The following HAND1 variants were observed in gnomAD, a reference collection of about 807,000 sequenced individuals.
HAND1 encodes heart- and neural crest derivatives-expressed protein 1.
Under a neutral mutation model 14.5 loss-of-function variants are expected in HAND1, and 10 were observed. That is an observed-to-expected ratio of 0.69 (90% CI 0.42 to 1.17). The LOEUF (loss-of-function observed/expected upper bound fraction) is 1.17, where lower values mean the gene tolerates loss of function less well. Among genes scored for constraint, HAND1 ranks in the 50% most tolerant of loss-of-function variants. The pLI is 0.00. For missense variants in HAND1, 299 were observed against 298.4 expected (o/e 1.00, Z -0.01); for synonymous variants, 128 against 127.1 (o/e 1.01, Z -0.05).
At chr5:154,476,147 G>C (rs1757537866) in intron 1 of HAND1, among the ~76,000 whole-genome samples, 1 of 152,158 alleles carries the variant, frequency 6.6e-6, no homozygotes, top group Non-Finnish European at 1.5e-5. Flanking sequence ...GGGAGGTTTG[G>C]TAAGGAAAAT....
intron 1 of HAND1, among the ~76,000 whole-genome samples, 180 bp downstream of exon 1, chr5:154,477,286 A>G (rs1381421287): frequency 4.3e-4 from 65 of 152,158 alleles, no homozygotes; most frequent in Non-Finnish European, 4.4e-5. Flanking sequence ...AATGAATTCT[A>G]TGACGAATCT....
intron 1 of HAND1, 26 bp from the exon 2 acceptor site, chr5:154,475,936 G>A (rs1257570942): frequency 6.4e-7 from 1 of 1,570,624 alleles, no homozygotes; most frequent in South Asian, 1.1e-5. Flanking sequence ...CAGAAGAAAA[G>A]AGGCGGGAGA....
At position 154,475,787 on chromosome 5, in the gene HAND1, C is replaced by G; in HGVS notation, c.*19G>C. On this transcript the variant is annotated 3_prime_UTR_variant, in exon 2 of 2. Transcript: ENST00000231121. The stretch of plus-strand genomic sequence containing the variant: ...TCAGGAGTGGCTGGCCTGGCCAGGT[C>G]CTCGGCGCGGGCCTCGGCTCACTGG... The G allele has an allele frequency of 3.8e-6, 6 of 1,578,282 alleles. No homozygotes were observed. Among genetic ancestry groups the G allele is most frequent in the Non-Finnish European group, 5.2e-6 (6 of 1,149,666 alleles).
In HAND1 at chr5:154,477,947, G is replaced by C. The variant is rs780396101; in HGVS notation, c.62C>G (p.Pro21Arg). 1.9e-6 allele frequency: 3 copies of C among 1,598,456 alleles called. No individual in the cohort carries two copies. The highest frequency in any genetic ancestry group is 1.3e-5 in the African/African-American group (1 of 75,062). Residue 21 changes from proline to arginine, a missense_variant, in exon 1 of 2, where the codon CCC (proline) becomes CGC (arginine). Transcript: ENST00000231121. ...HHHHHPHPAH[P>R]MLHEPFLFGP... ...GAAGAGGAAGGGTTCGTGGAGCATG[G>C]GGTGCGCAGGGTGCGGGTGGTGATG...
chr5:154,478,091 GC>G lies in HAND1; in HGVS notation c.-84del. 6.6e-7 allele frequency: 1 copy of G among 1,514,218 alleles called. No individual in the cohort carries two copies. Among genetic ancestry groups the G allele is most frequent in the South Asian group, 1.1e-5 (1 of 88,666 alleles). The allele number at this position is 1,514,218 out of a possible 1,614,324, so 93.8% of individuals were successfully genotyped here. A position where few individuals can be genotyped will look rare whatever the true frequency, so the allele number is the denominator to read the frequency against. On this transcript the variant is annotated 5_prime_UTR_variant, in exon 1 of 2. Transcript: ENST00000231121. The surrounding 1 kb of genome is among the most constrained non-coding windows in gnomAD (Gnocchi z 4.5). Reference sequence around the variant, plus strand: ...AGAGACTGCCGGGGGCCACCTGTGGGCTCTGGAGCCACTACTGGGCGCCGGC... The same window carrying G: ...AGAGACTGCCGGGGGCCACCTGTGGGTCTGGAGCCACTACTGGGCGCCGGC...
chr5:154,475,478 A>T lies in HAND1; in HGVS notation c.*328T>A. ...GGGCTGAGGTTCTAAATTCGCTCCA[A>T]AAGGGTGGAAGAGTGCGTCTTTGAG... is the stretch of plus-strand genomic sequence containing the variant. On this transcript the variant is annotated 3_prime_UTR_variant, in exon 2 of 2. Transcript: ENST00000231121. The T allele has an allele frequency of 2.7e-6, 1 of 376,644 alleles. No homozygotes were observed. The highest frequency in any genetic ancestry group is 5.0e-6 in the Non-Finnish European group (1 of 201,398). The allele number at this position is 376,644 out of a possible 1,614,324, so 23.3% of individuals were successfully genotyped here. A position where few individuals can be genotyped will look rare whatever the true frequency, so the allele number is the denominator to read the frequency against.
At position 154,477,949 on chromosome 5, in the gene HAND1, G is replaced by C; in HGVS notation, c.60C>G (p.His20Gln). 1 of 1,598,460 alleles carries C rather than the reference G, an allele frequency of 6.3e-7. No homozygotes were observed. Among genetic ancestry groups the C allele is most frequent in the Non-Finnish European group, 8.5e-7 (1 of 1,179,874 alleles). Residue 20 changes from histidine to glutamine, a missense_variant, in exon 1 of 2, where the codon CAC (histidine) becomes CAG (glutamine). Coordinates refer to ENST00000231121, the MANE Select transcript of HAND1 (RefSeq NM_004821.3). ...AGAGGAAGGGTTCGTGGAGCATGGG[G>C]TGCGCAGGGTGCGGGTGGTGATGGT... The part of the protein sequence containing the change: ...HHHHHHPHPA[H>Q]PMLHEPFLFG...
rs201496181 is a variant in HAND1 at position 154,477,836 on chromosome 5, G to T, written c.173C>A (p.Ala58Glu). 18 of 1,599,652 alleles carry T rather than the reference G, an allele frequency of 1.1e-5. No homozygotes were observed. The highest frequency in any genetic ancestry group is 8.9e-5 in the East Asian group (4 of 44,774). ...AGCGGCCGCGGGCGGCGGCCCGCCCGCAGGGAAGTCCGGGGCAGCGTCAGC... is the reference window on the plus strand; with the variant it reads ...AGCGGCCGCGGGCGGCGGCCCGCCCTCAGGGAAGTCCGGGGCAGCGTCAGC... The part of the protein sequence containing the change: ...SPADAAPDFP[A>E]GGPPPAAAAA... The change falls in exon 1 of 2, where the codon GCG (alanine) becomes GAG (glutamate). Residue 58 changes from alanine (A) to glutamate (E), a missense_variant. By Grantham distance (107) the Ala-to-Glu change is moderately radical. Coordinates refer to ENST00000231121, the MANE Select transcript of HAND1 (RefSeq NM_004821.3).
At position 154,475,650 on chromosome 5, in the gene HAND1, G is replaced by C; in HGVS notation, c.*156C>G. The C allele has an allele frequency of 3.0e-6, 2 of 661,362 alleles. No homozygotes were observed. Among genetic ancestry groups the C allele is most frequent in the South Asian group, 3.3e-5 (2 of 59,758 alleles). 41.0% of individuals were successfully genotyped at this position (661,362 alleles called of 1,614,324 possible). ...ATTGCACGTGCGATCCAAGTGTGTG[G>C]TTGCAGCCGACGACCTGCCGGCGCT... On this transcript the variant is annotated 3_prime_UTR_variant, in exon 2 of 2. Coordinates refer to ENST00000231121, the MANE Select transcript of HAND1 (RefSeq NM_004821.3).
intron 1 of HAND1, among the ~76,000 whole-genome samples, 156 bp downstream of exon 1, chr5:154,477,310 C>A (rs1757557750): frequency 6.6e-6 from 1 of 152,190 alleles, no homozygotes; most frequent in Non-Finnish European, 1.5e-5. Flanking sequence ...TCCCTCCATG[C>A]ACAGGATCGC....
rs1270632355 is a variant in HAND1, at chr5:154,477,601, C to A, written c.408G>T (p.Leu136=). ...ADTKLSKIKT[L]RLATSYIAYL... Reference sequence around the variant, plus strand: ...AGGCGATGTAGCTGGTGGCTAGGCGCAGAGTCTTGATCTTGGAGAGCTTGG... The same window carrying A: ...AGGCGATGTAGCTGGTGGCTAGGCGAAGAGTCTTGATCTTGGAGAGCTTGG... Residue 136 remains leucine, a synonymous_variant, in exon 1 of 2, where the codon CTG becomes CTT. Coordinates refer to ENST00000231121, the MANE Select transcript of HAND1 (RefSeq NM_004821.3). 8.7e-6 allele frequency: 14 copies of A among 1,614,138 alleles called. No homozygotes were observed. The highest frequency in any genetic ancestry group is 1.0e-5 in the Non-Finnish European group (12 of 1,180,060).
rs1467186459 is a variant in HAND1, at chr5:154,477,612, T to G, written c.397A>C (p.Ile133Leu). 1 of 1,614,200 alleles carries G rather than the reference T, an allele frequency of 6.2e-7. No individual in the cohort carries two copies. Among genetic ancestry groups the G allele is most frequent in the South Asian group, 1.1e-5 (1 of 91,078 alleles). The change falls in exon 1 of 2, where the codon ATC (isoleucine) becomes CTC (leucine). Residue 133 changes from isoleucine to leucine, a missense_variant. By Grantham distance (5) the Ile-to-Leu change is conservative. Transcript: ENST00000231121. ...CTGGTGGCTAGGCGCAGAGTCTTGA[T>G]CTTGGAGAGCTTGGTGTCGGCCGGC... ...NVPADTKLSK[I>L]KTLRLATSYI... is the part of the protein sequence containing the mutation.
Position 154,478,032 on chromosome 5 carries a change from C to T in HAND1, c.-24G>A, listed in dbSNP as rs779569406. The T allele has an allele frequency of 2.5e-6, 4 of 1,596,672 alleles. No individual in the cohort carries two copies. Among genetic ancestry groups the T allele is most frequent in the East Asian group, 2.2e-5 (1 of 44,858 alleles). On this transcript the variant is annotated 5_prime_UTR_variant, in exon 1 of 2. Transcript: ENST00000231121. This position sits in a 1 kb window ranked among gnomAD's most constrained non-coding sequence, Gnocchi z 4.5. Reference sequence around the variant, plus strand: ...ATGTTGGAGCGGCTACTGGCCTGCGCCGCCAGCCCTATTAACGCCGCTCCA... The same window carrying T: ...ATGTTGGAGCGGCTACTGGCCTGCGTCGCCAGCCCTATTAACGCCGCTCCA...
In HAND1 at chr5:154,476,005, G is replaced by A. The variant is rs1013000795; in HGVS notation, c.544-95C>T. The A allele has an allele frequency of 2.8e-5, 25 of 899,304 alleles. No homozygotes were observed. In the African/African-American group the frequency reaches 3.6e-4, roughly 13 times the overall value. 55.7% of individuals were successfully genotyped at this position (899,304 alleles called of 1,614,324 possible). A position where few individuals can be genotyped will look rare whatever the true frequency, so the allele number is the denominator to read the frequency against. On this transcript the variant is annotated intron_variant, in intron 1 of 1. Coordinates refer to ENST00000231121, the MANE Select transcript of HAND1 (RefSeq NM_004821.3). ...GCATGGGGTAAGATGAGGAGGAGGG[G>A]AAGGTGTCGGGAGCAGTAACTGGGA...
Position 154,477,922 on chromosome 5 carries a change from G to T in HAND1, c.87C>A (p.Phe29Leu), listed in dbSNP as rs756908501. The stretch of plus-strand genomic sequence containing the variant: ...CCTGATGACAGCGCGAGGCCGGACC[G>T]AAGAGGAAGGGTTCGTGGAGCATGG... ...AHPMLHEPFL[F>L]GPASRCHQER... The change falls in exon 1 of 2, where the codon TTC becomes TTA. Residue 29 changes from phenylalanine to leucine, a missense_variant. Coordinates refer to ENST00000231121, the MANE Select transcript of HAND1 (RefSeq NM_004821.3). The T allele has an allele frequency of 1.9e-6, 3 of 1,599,120 alleles. No homozygotes were observed. The highest frequency in any genetic ancestry group is 2.2e-5 in the South Asian group (2 of 91,088).
At position 154,475,914 on chromosome 5, in the gene HAND1, C is replaced by A. The variant is rs772331279; in HGVS notation, c.544-4G>T. On this transcript the variant is annotated splice_region_variant and splice_polypyrimidine_tract_variant and intron_variant, in intron 1 of 1. Coordinates refer to ENST00000231121, the MANE Select transcript of HAND1 (RefSeq NM_004821.3). ...GAGGAAAACCTTCGTGCTGCTGCTG[C>A]CAAAGGACACACAGAAGAAAAGAGG... The A allele has an allele frequency of 3.1e-6, 5 of 1,609,288 alleles. No homozygotes were observed. The highest frequency in any genetic ancestry group is 3.4e-6 in the Non-Finnish European group (4 of 1,175,710).
At chr5:154,476,624 C>A (rs963084454) in intron 1 of HAND1, among the ~76,000 whole-genome samples, 3 of 152,128 alleles carry the variant, frequency 2.0e-5, no homozygotes, top group African/African-American at 7.2e-5. Context: ...TTACCACAGG[C>A]CCCCGCAGGT....
chr5:154,475,557 C>A lies in HAND1; in HGVS notation c.*249G>T. 1.9e-6 allele frequency: 1 copy of A among 521,494 alleles called. No individual in the cohort carries two copies. Among genetic ancestry groups the A allele is most frequent in the Non-Finnish European group, 3.5e-6 (1 of 288,148 alleles). The allele number at this position is 521,494 out of a possible 1,614,324, so 32.3% of individuals were successfully genotyped here. On this transcript the variant is annotated 3_prime_UTR_variant, in exon 2 of 2. Coordinates refer to ENST00000231121, the MANE Select transcript of HAND1 (RefSeq NM_004821.3). ...GCATGTTGCCGCCAAGGGCCGCCCT[C>A]GGTTGGGCTGGGGGTGGATATATAT... is the stretch of plus-strand genomic sequence containing the variant.
At position 154,475,753 on chromosome 5, in the gene HAND1, C is replaced by T. The variant is rs1012408816; in HGVS notation, c.*53G>A. The stretch of plus-strand genomic sequence containing the variant: ...GCGTTCGCCGCTGCCTTCCTCTCCT[C>T]CCGGGGCTTCAGGAGTGGCTGGCCT... On this transcript the variant is annotated 3_prime_UTR_variant, in exon 2 of 2. Coordinates refer to ENST00000231121, the MANE Select transcript of HAND1 (RefSeq NM_004821.3). 1 of 1,298,830 alleles carries T rather than the reference C, an allele frequency of 7.7e-7. No homozygotes were observed. The allele number at this position is 1,298,830 out of a possible 1,614,324, so 80.5% of individuals were successfully genotyped here.
Sources: gnomAD v4.1 joint callset for allele counts (sites outside exome capture counted in the v4.1 genomes callset) on GRCh38, gnomAD v4.1.1 for gene constraint, Gnocchi (gnomAD v3.1) non-coding constraint, MANE v1.5 for transcripts, NCBI Gene and HGNC (gene_info 2026-07-23, HGNC 2026-07-21) for gene names.